The following SYN3 variants were observed in gnomAD, a reference collection of about 807,000 sequenced individuals.
SYN3 encodes synapsin-3.
Under a neutral mutation model 65.8 loss-of-function variants are expected in SYN3, and 35 were observed. That is an observed-to-expected ratio of 0.53 (90% CI 0.41 to 0.70). The LOEUF (loss-of-function observed/expected upper bound fraction) is 0.70. Among genes scored for constraint, SYN3 ranks in the 30% least tolerant of loss-of-function variants. SYN3 has a pLI of 0.00. For synonymous variants in SYN3, 270 were observed against 292.9 expected, an observed-to-expected ratio of 0.92 and a Z score of 0.80; for missense variants, 680 against 749.0, an observed-to-expected ratio of 0.91 and a Z score of 1.08.
chr22:33,007,239 T>C (rs1261914381), intron 1 of SYN3, among the ~76,000 whole-genome samples: 1 of 152,118 alleles, frequency 6.6e-6, no homozygotes, highest in Non-Finnish European at 1.5e-5. Flanking sequence ...AATGACAAAT[T>C]TAAAAGATAA....
intron 4 of SYN3, among the ~76,000 whole-genome samples, chr22:32,898,638 T>A (rs890030909): frequency 6.6e-6 from 1 of 152,154 alleles, no homozygotes; most frequent in African/African-American, 2.4e-5. Context: ...GCCAGTCTGA[T>A]AGAAAAAACA....
chr22:32,780,063 T>C (rs2413154), intron 6 of SYN3, among the ~76,000 whole-genome samples: 86,503 of 114,024 alleles, frequency 0.76, 31,167 homozygotes, highest in African/African-American at 0.84. Context: ...AGTGAGATTC[T>C]GTCTCAAAAA....
intron 4 of SYN3, among the ~76,000 whole-genome samples, chr22:32,922,863 T>G (rs1381355139): frequency 6.6e-6 from 1 of 152,118 alleles, no homozygotes; most frequent in South Asian, 2.1e-4. Flanking sequence ...GAATCCTAGG[T>G]GCTGTTTGCC....
chr22:32,754,638 C>T (rs1025659932), intron 6 of SYN3, among the ~76,000 whole-genome samples: 2 of 152,180 alleles, frequency 1.3e-5, no homozygotes, highest in African/African-American at 4.8e-5. Context: ...CACCCGGCTC[C>T]CCCTTCCCCT....
At chr22:32,684,115 G>A (rs1361667449) in intron 6 of SYN3, among the ~76,000 whole-genome samples, 1 of 152,154 alleles carries the variant, frequency 6.6e-6, no homozygotes, top group Non-Finnish European at 1.5e-5. Context: ...TCAGAGTGCT[G>A]CATCCCTCCC....
At chr22:32,786,222 G>T (rs1054025769) in intron 6 of SYN3, among the ~76,000 whole-genome samples, 8 of 152,106 alleles carry the variant, frequency 5.3e-5, no homozygotes, top group Non-Finnish European at 8.8e-5. Context: ...AAAATCTTTT[G>T]CATAAGAGCA....
chr22:32,682,900 G>A (rs1483357887), intron 6 of SYN3, among the ~76,000 whole-genome samples: 2 of 152,172 alleles, frequency 1.3e-5, no homozygotes, highest in African/African-American at 4.8e-5. Flanking sequence ...GCCCTTGGAA[G>A]GTGCCTTGGT....
At chr22:32,567,234 G>T (rs1215607301) in intron 7 of SYN3, among the ~76,000 whole-genome samples, 1 of 152,114 alleles carries the variant, frequency 6.6e-6, no homozygotes, top group Middle Eastern at 3.2e-3. Flanking sequence ...GCTCAGCAGT[G>T]TCAGTTTAGG....
intron 6 of SYN3, among the ~76,000 whole-genome samples, chr22:32,658,601 C>T (rs2060174746): frequency 2.6e-5 from 4 of 152,338 alleles, no homozygotes; most frequent in African/African-American, 7.2e-5. Flanking sequence ...ATCCATAAGG[C>T]ATTTCAGGCA....
chr22:32,967,438 G>A (rs948258887), intron 3 of SYN3, among the ~76,000 whole-genome samples: 1 of 152,172 alleles, frequency 6.6e-6, no homozygotes, highest in African/African-American at 2.4e-5. Flanking sequence ...TAGAAAATGC[G>A]CCCAGACTGT....
rs115804076 is a variant in SYN3, at chr22:32,985,800, C to T, written c.312-5098G>A. Among the ~76,000 whole-genome samples, 450 of 152,108 alleles carry T rather than the reference C, an allele frequency of 3.0e-3. 4 individuals are homozygous for T. The highest frequency in any genetic ancestry group is 0.011 in the African/African-American group (436 of 41,490). On this transcript the variant is annotated intron_variant, in intron 2 of 13. Coordinates refer to ENST00000358763, the MANE Select transcript of SYN3 (RefSeq NM_003490.4). ...TCTAAATACTCCTGTGCTGTCCTGC[C>T]TCTGAACCTCTGCACAGGCCTTCAC...
At position 32,809,557 on chromosome 22, in the gene SYN3, C is replaced by T. The variant is rs553918787; in HGVS notation, c.711+55358G>A. 6.2e-4 allele frequency among the ~76,000 whole-genome samples: 95 copies of T among 152,256 alleles called. 1 individual carries two copies. Among genetic ancestry groups the T allele is most frequent in the African/African-American group, 2.2e-3 (93 of 41,542 alleles). On this transcript the variant is annotated intron_variant, in intron 6 of 13. Coordinates refer to ENST00000358763, the MANE Select transcript of SYN3 (RefSeq NM_003490.4). ...AATTTTTTAAAATTAATTTTTCCCTCCAATAAGTTCTGTGTTTGGAACAGT... is the reference window on the plus strand; with the variant it reads ...AATTTTTTAAAATTAATTTTTCCCTTCAATAAGTTCTGTGTTTGGAACAGT...
At chr22:32,729,454 C>T (rs1231598309) in intron 6 of SYN3, among the ~76,000 whole-genome samples, 1 of 152,168 alleles carries the variant, frequency 6.6e-6, no homozygotes, top group Non-Finnish European at 1.5e-5. Context: ...GCTTTGTGGG[C>T]AGATGGGAGG....
At chr22:32,839,265 G>A (rs2146185814) in intron 6 of SYN3, among the ~76,000 whole-genome samples, 1 of 152,226 alleles carries the variant, frequency 6.6e-6, no homozygotes, top group Non-Finnish European at 1.5e-5. Flanking sequence ...AGGTGTAGGT[G>A]AGGATGTAAA....
chr22:32,725,809 T>C (rs2061182561), intron 6 of SYN3, among the ~76,000 whole-genome samples: 1 of 152,230 alleles, frequency 6.6e-6, no homozygotes. Context: ...ACTAAGTGTA[T>C]GGTCATTTGT....
intron 9 of SYN3, among the ~76,000 whole-genome samples, chr22:32,537,229 A>G (rs2058180849): frequency 6.6e-6 from 1 of 151,544 alleles, no homozygotes; most frequent in African/African-American, 2.4e-5. Context: ...GCACGATCTC[A>G]GCTCACCGCA....
At chr22:33,043,416 C>T (rs761292936) in intron 1 of SYN3, among the ~76,000 whole-genome samples, 9 of 152,210 alleles carry the variant, frequency 5.9e-5, no homozygotes, top group South Asian at 4.2e-4. Flanking sequence ...GGTGCGGTCA[C>T]GGGCACCTGT....
chr22:32,645,451 G>GAA lies in SYN3; in HGVS notation c.712-48717_712-48716dup, dbSNP rs131064. ...GGGCAACAAGAGCGAAACTCCGTCT[G>GAA]AAAAAAAAAAAAAGCTAAGGGCCCA... On this transcript the variant is annotated intron_variant, in intron 6 of 13. Coordinates refer to ENST00000358763, the MANE Select transcript of SYN3 (RefSeq NM_003490.4). 1.2e-3 allele frequency among the ~76,000 whole-genome samples: 165 copies of GAA among 136,764 alleles called. 1 individual carries two copies. Among genetic ancestry groups the GAA allele is most frequent in the African/African-American group, 2.5e-3 (95 of 38,152 alleles). The allele number at this position is 136,764 out of a possible 152,430, so 89.7% of individuals were successfully genotyped here. A position where few individuals can be genotyped will look rare whatever the true frequency, so the allele number is the denominator to read the frequency against.
rs775537689 is a variant in SYN3 at position 33,006,465 on chromosome 22, G to A, written c.198C>T (p.Ala66=). ...AGGTGGCCTGAGGGGCCTGCTTCAT[G>A]GCACTGGAGAGGGAGCTAAAAAGGC... is the stretch of plus-strand genomic sequence containing the variant. ...GSSLFSSLSS[A]MKQAPQATSG... The change falls in exon 2 of 14, where the codon GCC becomes GCT. Residue 66 remains alanine, a synonymous_variant. Transcript: ENST00000358763. 6.2e-7 allele frequency: 1 copy of A among 1,614,208 alleles called. No homozygotes were observed. The highest frequency in any genetic ancestry group is 8.5e-7 in the Non-Finnish European group (1 of 1,180,044).
Sources: allele counts gnomAD v4.1 joint callset (sites outside exome capture counted in the v4.1 genomes callset), GRCh38; gene constraint gnomAD v4.1.1; transcripts MANE v1.5; gene names NCBI Gene and HGNC (gene_info 2026-07-23, HGNC 2026-07-21).